WDR72: variants seen among roughly 807,000 people sequenced by gnomAD.
The protein encoded by WDR72 is WD repeat-containing protein 72.
A neutral mutation model predicts 124.2 loss-of-function variants in WDR72; 120 were observed. That is an observed-to-expected ratio of 0.97 (90% CI 0.83 to 1.12). The LOEUF is 1.12. WDR72 is among the 50% of genes most tolerant of loss of function. WDR72 has a pLI of 0.00. For missense variants in WDR72, 1,387 were observed against 1,278.8 expected (o/e 1.08, Z -1.29); for synonymous variants, 452 against 441.7 (o/e 1.02, Z -0.29).
At position 53,688,956 on chromosome 15, in the gene WDR72, A is replaced by C. The variant is rs908645471; in HGVS notation, c.1765+10794T>G. Among the ~76,000 whole-genome samples, 22 of 152,302 alleles carry C rather than the reference A, an allele frequency of 1.4e-4. No homozygotes were observed. The Middle Eastern group carries it at 0.01, about 71-fold the overall frequency. ...CTTTGACAAACCTGAGAAAAACAAGAAATGGGGAAAGGATTCCCTATTTAA... is the reference window on the plus strand; with the variant it reads ...CTTTGACAAACCTGAGAAAAACAAGCAATGGGGAAAGGATTCCCTATTTAA... On this transcript the variant is annotated intron_variant, in intron 13 of 19. Coordinates refer to ENST00000360509, the MANE Select transcript of WDR72 (RefSeq NM_182758.4).
chr15:53,756,970 G>C (rs547513412), intron 1 of WDR72, among the ~76,000 whole-genome samples: 1 of 152,300 alleles, frequency 6.6e-6, no homozygotes, highest in East Asian at 1.9e-4. Context: ...CTACAGCAAT[G>C]ATATCTAGCT....
chr15:53,637,271 G>A (rs965303627), intron 14 of WDR72, among the ~76,000 whole-genome samples: 32 of 152,132 alleles, frequency 2.1e-4, no homozygotes, highest in Non-Finnish European at 1.5e-5. Flanking sequence ...ATTAGGATCT[G>A]AGATCTTCTT....
At chr15:53,657,170 A>T (rs2015454428) in intron 14 of WDR72, among the ~76,000 whole-genome samples, 1 of 147,418 alleles carries the variant, frequency 6.8e-6, no homozygotes, top group African/African-American at 2.5e-5. Context: ...AGGGTGAGGC[A>T]GGAGAATCAC....
intron 14 of WDR72, among the ~76,000 whole-genome samples, chr15:53,645,556 A>C (rs1318613065): frequency 6.6e-6 from 1 of 152,140 alleles, no homozygotes; most frequent in Non-Finnish European, 1.5e-5. Context: ...TTTACTGTGC[A>C]ATGAACCTTT....
chr15:53,686,764 T>C (rs1165002375), intron 13 of WDR72, among the ~76,000 whole-genome samples: 1 of 150,092 alleles, frequency 6.7e-6, no homozygotes, highest in Non-Finnish European at 1.5e-5. Context: ...ATACATTTTT[T>C]TCAGCACCAC....
intron 13 of WDR72, among the ~76,000 whole-genome samples, chr15:53,672,354 T>C (rs1473941074): frequency 6.7e-6 from 1 of 149,106 alleles, no homozygotes; most frequent in East Asian, 2.0e-4. Flanking sequence ...TGGAGTGAGC[T>C]GTTTCAGGAG....
chr15:53,629,195 A>C (rs2140391189), intron 14 of WDR72, among the ~76,000 whole-genome samples: 2 of 147,858 alleles, frequency 1.4e-5, no homozygotes, highest in African/African-American at 5.3e-5. Flanking sequence ...AGACAGCGAG[A>C]GAGAGAGAGA....
intron 2 of WDR72, 36 bp downstream of exon 2, chr15:53,732,961 G>C (rs1312785463): frequency 6.2e-7 from 1 of 1,613,510 alleles, no homozygotes; most frequent in South Asian, 1.1e-5. Context: ...TATTTTGTGA[G>C]TGGTGTCTGT....
At chr15:53,554,686 C>T (rs188339758) in intron 18 of WDR72, among the ~76,000 whole-genome samples, 3 of 152,162 alleles carry the variant, frequency 2.0e-5, no homozygotes, top group Admixed American at 2.0e-4. Context: ...ATCAGCTGAA[C>T]TGTGATACAG....
At chr15:53,674,614 C>T (rs2016101712) in intron 13 of WDR72, among the ~76,000 whole-genome samples, 1 of 152,084 alleles carries the variant, frequency 6.6e-6, no homozygotes, top group South Asian at 2.1e-4. Context: ...AAGGTACTTA[C>T]CTTCATTCCT....
intron 1 of WDR72, among the ~76,000 whole-genome samples, chr15:53,748,226 G>A (rs1033840963): frequency 6.6e-6 from 1 of 152,108 alleles, no homozygotes; most frequent in Non-Finnish European, 1.5e-5. Context: ...TGTTTTGCGT[G>A]TGTATAAATT....
intron 18 of WDR72, among the ~76,000 whole-genome samples, chr15:53,547,228 G>T (rs1050335066): frequency 6.6e-6 from 1 of 152,220 alleles, no homozygotes; most frequent in African/African-American, 2.4e-5. Flanking sequence ...CAAGTCCTGG[G>T]TTTAAGCGAT....
rs995813433 is a variant in WDR72, at chr15:53,517,643, G to C, written c.*56C>G. The stretch of plus-strand genomic sequence containing the variant: ...GCTTTTATACAGTAATAAACAAATG[G>C]CATCTTTTGGATTTCTTAATTTGTC... On this transcript the variant is annotated 3_prime_UTR_variant, in exon 20 of 20. Coordinates refer to ENST00000360509, the MANE Select transcript of WDR72 (RefSeq NM_182758.4). 9.0e-5 allele frequency: 139 copies of C among 1,551,402 alleles called. 1 individual carries two copies. Among genetic ancestry groups the C allele is most frequent in the Non-Finnish European group, 1.2e-4 (132 of 1,123,410 alleles).
intron 18 of WDR72, among the ~76,000 whole-genome samples, chr15:53,587,572 G>A (rs983302062): frequency 6.6e-6 from 1 of 151,932 alleles, no homozygotes. Flanking sequence ...ATGTAGGTAG[G>A]TTATAATGCT....
At chr15:53,578,948 C>T (rs551166844) in intron 18 of WDR72, among the ~76,000 whole-genome samples, 2 of 152,134 alleles carry the variant, frequency 1.3e-5, no homozygotes, top group South Asian at 2.1e-4. Context: ...CATAAAAACC[C>T]GATTTCATAG....
chr15:53,550,400 A>C (rs1297274073), intron 18 of WDR72, among the ~76,000 whole-genome samples: 1 of 152,124 alleles, frequency 6.6e-6, no homozygotes, highest in African/African-American at 2.4e-5. Context: ...TCTCGTCTTG[A>C]CCATTTCTGG....
intron 17 of WDR72, among the ~76,000 whole-genome samples, chr15:53,601,623 T>A (rs187087701): frequency 2.6e-5 from 4 of 151,478 alleles, no homozygotes; most frequent in African/African-American, 9.7e-5. Flanking sequence ...ATGTCAACTC[T>A]CAAAATAAAG....
intron 18 of WDR72, among the ~76,000 whole-genome samples, chr15:53,529,853 G>A (rs1892353706): frequency 6.6e-6 from 1 of 151,930 alleles, no homozygotes; most frequent in Non-Finnish European, 1.5e-5. Context: ...CAGATTATAA[G>A]GATATAGGAT....
Position 53,619,699 on chromosome 15 carries a change from T to C in WDR72, c.1963-3456A>G, listed in dbSNP as rs367718327. 2.1e-4 allele frequency among the ~76,000 whole-genome samples: 32 copies of C among 152,102 alleles called. No homozygotes were observed. The South Asian group carries it at 6.4e-3, about 31-fold the overall frequency. On this transcript the variant is annotated intron_variant, in intron 14 of 19. Coordinates refer to ENST00000360509, the MANE Select transcript of WDR72 (RefSeq NM_182758.4). ...TGGAAATTCTCTCTTTTAACCTTTATAGTGGTTTAAACTAAAGCTAAACGT... is the reference window on the plus strand; with the variant it reads ...TGGAAATTCTCTCTTTTAACCTTTACAGTGGTTTAAACTAAAGCTAAACGT...
Sources: allele counts gnomAD v4.1 joint callset (sites outside exome capture counted in the v4.1 genomes callset), GRCh38; gene constraint gnomAD v4.1.1; transcripts MANE v1.5; gene names NCBI Gene and HGNC (gene_info 2026-07-23, HGNC 2026-07-21).